TIMMDC1: variants seen among roughly 807,000 people sequenced by gnomAD.
TIMMDC1 encodes the protein complex I assembly factor TIMMDC1, mitochondrial.
A neutral mutation model predicts 32.6 loss-of-function variants in TIMMDC1; 25 were observed. That is an observed-to-expected ratio of 0.77 (90% CI 0.56 to 1.07). TIMMDC1 has a LOEUF of 1.07. TIMMDC1 is among the 50% of genes least tolerant of loss of function. The pLI is 0.00. For synonymous variants in TIMMDC1, 130 were observed against 127.6 expected (o/e 1.02, Z -0.13); for missense variants, 329 against 349.2 (o/e 0.94, Z 0.46).
intron 5 of TIMMDC1, among the ~76,000 whole-genome samples, chr3:119,514,227 T>C (rs2081971868): frequency 6.6e-6 from 1 of 152,240 alleles, no homozygotes; most frequent in Admixed American, 6.5e-5. Flanking sequence ...AATGAATTAG[T>C]ACATTGAAAC....
chr3:119,509,442 C>T (rs570796550), intron 4 of TIMMDC1, among the ~76,000 whole-genome samples: 3 of 152,026 alleles, frequency 2.0e-5, no homozygotes, highest in African/African-American at 2.4e-5. Flanking sequence ...ATACATGCTG[C>T]GACATGAATA....
intron 4 of TIMMDC1, among the ~76,000 whole-genome samples, chr3:119,509,291 C>T (rs370277331): frequency 3.3e-5 from 5 of 152,100 alleles, no homozygotes; most frequent in Admixed American, 1.3e-4. Context: ...AACATGTCCA[C>T]GCAAAGACTT....
chr3:119,523,500 A>G, intron 6 of TIMMDC1, 106 bp from the exon 7 acceptor site: 2 of 1,172,216 alleles, frequency 1.7e-6, no homozygotes, highest in Non-Finnish European at 2.3e-6. Flanking sequence ...CTAAATTGCT[A>G]TACCAAAGCA....
At chr3:119,508,285 A>C (rs2081930873) in intron 4 of TIMMDC1, among the ~76,000 whole-genome samples, 1 of 151,984 alleles carries the variant, frequency 6.6e-6, no homozygotes, top group Admixed American at 6.6e-5. Flanking sequence ...ATTTATAGTC[A>C]AGGTTTCCTA....
chr3:119,500,751 C>T lies in TIMMDC1; in HGVS notation c.251C>T (p.Ala84Val), dbSNP rs992626989. 1.4e-5 allele frequency: 23 copies of T among 1,613,980 alleles called. No homozygotes were observed. The highest frequency in any genetic ancestry group is 1.9e-5 in the Non-Finnish European group (22 of 1,179,978). The change falls in exon 2 of 7, where the codon GCA becomes GTA. Residue 84 changes from alanine (A) to valine (V), a missense_variant. By Grantham distance (64) the Ala-to-Val change is moderately conservative (BLOSUM62 0). Transcript: ENST00000494664. ...LANICKTAAT[A>V]GIIGWVYGGI... ...AATATCTGTAAGACGGCAGCTACAG[C>T]AGGCATCATTGGCTGGGTGTATGGG...
chr3:119,509,969 C>T (rs2081943102), intron 4 of TIMMDC1, among the ~76,000 whole-genome samples: 2 of 152,116 alleles, frequency 1.3e-5, no homozygotes, highest in African/African-American at 4.8e-5. Context: ...CAGGCATGAA[C>T]CACCGTGCCG....
At chr3:119,509,850 T>C (rs1225562159) in intron 4 of TIMMDC1, among the ~76,000 whole-genome samples, 1 of 152,106 alleles carries the variant, frequency 6.6e-6, no homozygotes, top group Admixed American at 6.5e-5. Context: ...CATACCCGGC[T>C]AATTTTTGTA....
At position 119,524,742 on chromosome 3, in the gene TIMMDC1, A is replaced by G. The variant is rs1389771199; in HGVS notation, c.*986A>G. The stretch of plus-strand genomic sequence containing the variant: ...AGTGAATTGTGGAAGGCAGTTTTAG[A>G]GAAAGGAGTCATGAGTAACATGAAC... On this transcript the variant is annotated 3_prime_UTR_variant, in exon 7 of 7. Coordinates refer to ENST00000494664, the MANE Select transcript of TIMMDC1 (RefSeq NM_016589.4). 6.6e-6 allele frequency: 1 copy of G among 152,230 alleles called. No homozygotes were observed. Among genetic ancestry groups the G allele is most frequent in the Non-Finnish European group, 1.5e-5 (1 of 68,050 alleles). 9.4% of individuals were successfully genotyped at this position (152,230 alleles called of 1,614,324 possible). A position where few individuals can be genotyped will look rare whatever the true frequency, so the allele number is the denominator to read the frequency against.
Position 119,498,749 on chromosome 3 carries a change from CCGGCACCG to C in TIMMDC1, c.20_27del (p.Ala7GlufsTer5). 1.2e-6 allele frequency: 2 copies of C among 1,614,212 alleles called. No homozygotes were observed. The highest frequency in any genetic ancestry group is 8.5e-7 in the Non-Finnish European group (1 of 1,180,016). On this transcript the variant is annotated frameshift_variant, in exon 1 of 7. Transcript: ENST00000494664. LOFTEE classifies it high-confidence loss of function. ...AGAGAAGGCCATGGAGGTGCCGCCACCGGCACCGCGGAGCTTTCTCTGTAGAGCATTGT... is the reference window on the plus strand; with the variant it reads ...AGAGAAGGCCATGGAGGTGCCGCCACCGGAGCTTTCTCTGTAGAGCATTGT...
intron 6 of TIMMDC1, among the ~76,000 whole-genome samples, chr3:119,519,640 A>AT (rs1387086300): frequency 2.6e-5 from 4 of 152,178 alleles, no homozygotes; most frequent in Non-Finnish European, 5.9e-5. Flanking sequence ...CTAAAGGGAG[A>AT]GATAAACCCT....
At chr3:119,503,899 G>T in intron 3 of TIMMDC1, 55 bp from the exon 4 acceptor site, 1 of 1,445,914 alleles carries the variant, frequency 6.9e-7, no homozygotes. Flanking sequence ...CACTCAAGAA[G>T]GTAAATGGGA....
At chr3:119,499,260 ATTT>A (rs201343271) in intron 1 of TIMMDC1, among the ~76,000 whole-genome samples, 1 of 149,136 alleles carries the variant, frequency 6.7e-6, no homozygotes, top group Non-Finnish European at 1.5e-5. Context: ...CGCCCGGCTA[ATTT>A]TTTTTTAATG....
chr3:119,502,961 G>C (rs938844938), intron 2 of TIMMDC1, among the ~76,000 whole-genome samples: 3 of 152,126 alleles, frequency 2.0e-5, no homozygotes, highest in Admixed American at 6.5e-5. Context: ...TTATTGGTTA[G>C]TATTATGCTC....
At chr3:119,510,939 A>G (rs2081948226) in intron 4 of TIMMDC1, among the ~76,000 whole-genome samples, 1 of 152,208 alleles carries the variant, frequency 6.6e-6, no homozygotes, top group Non-Finnish European at 1.5e-5. Context: ...CAGTTGAAAA[A>G]TCCACATATA....
chr3:119,502,159 A>G lies in TIMMDC1; in HGVS notation c.360+1299A>G, dbSNP rs191090350. On this transcript the variant is annotated intron_variant, in intron 2 of 6. Coordinates refer to ENST00000494664, the MANE Select transcript of TIMMDC1 (RefSeq NM_016589.4). ...CTTAAATGCTATTATAAACTATAAT[A>G]TTTCTACTATCTAAAAACTATTCTA... Among the ~76,000 whole-genome samples, 340 of 152,306 alleles carry G rather than the reference A, an allele frequency of 2.2e-3. 1 individual carries two copies. Among genetic ancestry groups the G allele is most frequent in the African/African-American group, 7.6e-3 (316 of 41,564 alleles).
intron 1 of TIMMDC1, among the ~76,000 whole-genome samples, 168 bp downstream of exon 1, chr3:119,499,095 T>TC (rs946074094): frequency 7.0e-5 from 10 of 143,566 alleles, no homozygotes; most frequent in South Asian, 2.3e-4. Context: ...TTTCTTTCTT[T>TC]TTTTTTTTTT....
chr3:119,515,676 T>C (rs887725751), intron 5 of TIMMDC1, among the ~76,000 whole-genome samples: 17 of 152,216 alleles, frequency 1.1e-4, no homozygotes, highest in Admixed American at 9.2e-4. Flanking sequence ...TGCAAAGATA[T>C]CTTTTTCCCA....
intron 6 of TIMMDC1, among the ~76,000 whole-genome samples, chr3:119,518,345 T>G (rs2081999193): frequency 6.6e-6 from 1 of 152,070 alleles, no homozygotes; most frequent in Non-Finnish European, 1.5e-5. Context: ...ATTGGATAGA[T>G]GAGAAATCAT....
chr3:119,514,061 G>A (rs1176618365), intron 5 of TIMMDC1, among the ~76,000 whole-genome samples: 1 of 152,098 alleles, frequency 6.6e-6, no homozygotes, highest in African/African-American at 2.4e-5. Flanking sequence ...TTCGAACACA[G>A]GTATTTATGG....
Sources: gnomAD v4.1 joint callset for allele counts (sites outside exome capture counted in the v4.1 genomes callset) on GRCh38, gnomAD v4.1.1 for gene constraint, MANE v1.5 for transcripts, NCBI Gene and HGNC (gene_info 2026-07-23, HGNC 2026-07-21) for gene names.